Variants in CFAP47 observed in about 807,000 individuals in gnomAD.
CFAP47 encodes cilia and flagella associated protein 47.
CFAP47 carries 29 observed loss-of-function variants against 148.1 expected under a neutral mutation model. That is an observed-to-expected ratio of 0.20 (90% CI 0.15 to 0.27). The LOEUF (loss-of-function observed/expected upper bound fraction) is 0.27, where lower values mean the gene tolerates loss of function less well. Among genes scored for constraint, CFAP47 ranks in the 10% least tolerant of loss-of-function variants. The probability of loss-of-function intolerance (pLI) is 1.00; values close to 1 mark genes in which losing one functional copy is unlikely to be tolerated. For missense variants in CFAP47, 1,872 were observed against 1,697.5 expected (o/e 1.10, Z -1.81); for synonymous variants, 664 against 577.3 (o/e 1.15, Z -2.15).
intron 56 of CFAP47, among the ~76,000 whole-genome samples, chrX:36,314,577 T>C (rs781890880): frequency 8.9e-6 from 1 of 111,893 alleles, no homozygotes; most frequent in African/African-American, 3.2e-5. Flanking sequence ...CAGTTCCATA[T>C]AGCTTATGGT....
chrX:35,973,455 C>A (rs1936524430), intron 13 of CFAP47, among the ~76,000 whole-genome samples: 1 of 112,017 alleles, frequency 8.9e-6, no homozygotes, highest in African/African-American at 3.2e-5. Context: ...TCCCAAAGTG[C>A]TGGGATTACA....
At chrX:36,299,253 T>A (rs931147534) in intron 52 of CFAP47, 101 bp downstream of exon 52, 1 of 499,701 alleles carries the variant, frequency 2.0e-6, no homozygotes, top group Non-Finnish European at 2.9e-6. Context: ...TTACACTTGC[T>A]CATAGTTTTA....
At chrX:36,146,150 G>T (rs1181988835) in intron 36 of CFAP47, among the ~76,000 whole-genome samples, 2 of 111,536 alleles carry the variant, frequency 1.8e-5, no homozygotes, top group Non-Finnish European at 3.8e-5. Context: ...TTGAATTTTT[G>T]ACTTCAAAAT....
intron 46 of CFAP47, among the ~76,000 whole-genome samples, chrX:36,233,265 T>A (rs1602059365): frequency 9.0e-6 from 1 of 111,565 alleles, no homozygotes; most frequent in East Asian, 2.8e-4. Flanking sequence ...TCTTTGTAGG[T>A]CACTCAGGAC....
chrX:35,939,662 T>C (rs1298603447), intron 2 of CFAP47, among the ~76,000 whole-genome samples: 6 of 80,499 alleles, frequency 7.5e-5, no homozygotes, highest in East Asian at 4.1e-4. Context: ...CCATGGTGTA[T>C]ATGTGCCACA....
At chrX:36,068,538 G>A (rs372100932) in intron 27 of CFAP47, among the ~76,000 whole-genome samples, 27 of 112,161 alleles carry the variant, frequency 2.4e-4, no homozygotes, top group South Asian at 7.4e-4. Context: ...ATGTGAAATA[G>A]CATATTCTGA....
chrX:36,177,912 G>A (rs1387629543), intron 39 of CFAP47, among the ~76,000 whole-genome samples: 1 of 111,725 alleles, frequency 9.0e-6, no homozygotes, highest in Non-Finnish European at 1.9e-5. Flanking sequence ...TTCACAGTAA[G>A]AAAGACATGG....
chrX:36,057,095 G>A (rs919046177), intron 26 of CFAP47, among the ~76,000 whole-genome samples: 10 of 108,734 alleles, frequency 9.2e-5, no homozygotes, highest in East Asian at 8.6e-4. Flanking sequence ...GTCTAAAGTA[G>A]TTTTTTTTTT....
intron 59 of CFAP47, among the ~76,000 whole-genome samples, chrX:36,352,287 G>A (rs1941748803): frequency 9.0e-6 from 1 of 111,100 alleles, no homozygotes; most frequent in Admixed American, 9.6e-5. Context: ...AACCAGAAAA[G>A]CTTGTACAGT....
intron 46 of CFAP47, among the ~76,000 whole-genome samples, chrX:36,235,418 G>A (rs782606516): frequency 1.2e-4 from 13 of 112,482 alleles, no homozygotes; most frequent in South Asian, 3.7e-4. Context: ...AGGACCCTCC[G>A]AGCCAGGTGG....
At chrX:36,325,023 C>T (rs1556012752) in intron 57 of CFAP47, among the ~76,000 whole-genome samples, 1 of 111,098 alleles carries the variant, frequency 9.0e-6, no homozygotes, top group East Asian at 2.8e-4. Flanking sequence ...CAGCCTTATT[C>T]CTTTTGACAT....
At chrX:36,152,116 C>CTT (rs369093676) in intron 37 of CFAP47, among the ~76,000 whole-genome samples, 8 of 108,015 alleles carry the variant, frequency 7.4e-5, no homozygotes, top group African/African-American at 2.7e-4. Context: ...TTTCTTCTCT[C>CTT]TTTTTTTTTA....
At chrX:36,117,059 T>C (rs1041398898) in intron 33 of CFAP47, among the ~76,000 whole-genome samples, 1 of 112,144 alleles carries the variant, frequency 8.9e-6, no homozygotes, top group African/African-American at 3.2e-5. Context: ...TCCAGTTCCA[T>C]CTATGTTTTA....
At chrX:35,957,060 T>G (rs1043281448) in intron 8 of CFAP47, among the ~76,000 whole-genome samples, 4 of 108,907 alleles carry the variant, frequency 3.7e-5, no homozygotes, top group Non-Finnish European at 7.6e-5. Flanking sequence ...AATATGAAAA[T>G]TAGCCGGGCG....
rs782682586 is a variant in CFAP47 at position 36,235,711 on chromosome X, C to A, written c.7015-223C>A. On this transcript the variant is annotated intron_variant, in intron 46 of 63. Transcript: ENST00000378653. The stretch of plus-strand genomic sequence containing the variant: ...TGCAGAAATCACCCGTCTTCTGCAT[C>A]GCTCACGCTAGGAGCTGTAGACCGG... Among the ~76,000 whole-genome samples the A allele has an allele frequency of 2.7e-5, 3 of 112,576 alleles. No individual in the cohort carries two copies. The East Asian group carries it at 8.5e-4, about 32-fold the overall frequency.
chrX:36,239,649 T>G (rs1483066506), intron 48 of CFAP47, among the ~76,000 whole-genome samples: 3 of 112,115 alleles, frequency 2.7e-5, no homozygotes, highest in Non-Finnish European at 5.6e-5. Flanking sequence ...TGCAGTTGTC[T>G]GAGGCTGCAA....
At chrX:36,290,360 G>A (rs1272425562) in intron 51 of CFAP47, among the ~76,000 whole-genome samples, 1 of 112,164 alleles carries the variant, frequency 8.9e-6, no homozygotes, top group Non-Finnish European at 1.9e-5. Context: ...GGTTAGATAC[G>A]ATGTTAACCA....
intron 22 of CFAP47, among the ~76,000 whole-genome samples, chrX:36,019,689 A>C (rs151160670): frequency 8.9e-6 from 1 of 111,859 alleles, no homozygotes; most frequent in South Asian, 3.7e-4. Flanking sequence ...GAATTTATCA[A>C]TTTCTCCTAG....
chrX:36,116,473 C>T (rs897341381), intron 33 of CFAP47, among the ~76,000 whole-genome samples: 17 of 112,209 alleles, frequency 1.5e-4, no homozygotes, highest in East Asian at 5.6e-4. Flanking sequence ...TAATAGTTAA[C>T]GAGCTTAGGT....
Sources: gnomAD v4.1 joint callset for allele counts (sites outside exome capture counted in the v4.1 genomes callset) on GRCh38, gnomAD v4.1.1 for gene constraint, MANE v1.5 for transcripts, NCBI Gene and HGNC (gene_info 2026-07-23, HGNC 2026-07-21) for gene names.